Variants in NCOA2 observed in about 807,000 individuals in gnomAD.
NCOA2 encodes class E basic helix-loop-helix protein 75.
A neutral mutation model predicts 145.1 loss-of-function variants in NCOA2; 21 were observed. The ratio of observed to expected loss-of-function variants is 0.14; its 90% CI spans 0.10 to 0.21. The LOEUF is 0.21. Among genes scored for constraint, NCOA2 ranks in the 10% least tolerant of loss-of-function variants. The pLI is 1.00. For missense variants in NCOA2, 1,472 were observed against 1,837.6 expected (o/e 0.80, Z 3.64); for synonymous variants, 619 against 637.5 (o/e 0.97, Z 0.44).
chr8:70,374,043 T>C (rs989805460), intron 1 of NCOA2, among the ~76,000 whole-genome samples: 7 of 152,330 alleles, frequency 4.6e-5, no homozygotes, highest in Admixed American at 1.3e-4. Flanking sequence ...TCTATAATTT[T>C]TCACTCACTG....
intron 15 of NCOA2, 62 bp from the exon 16 acceptor site, chr8:70,132,064 C>G: frequency 6.6e-7 from 1 of 1,507,900 alleles, no homozygotes; most frequent in African/African-American, 1.4e-5. Context: ...AGAACAAATT[C>G]TTTATCTCAA....
intron 2 of NCOA2, among the ~76,000 whole-genome samples, chr8:70,243,551 G>A (rs751481313): frequency 5.9e-5 from 9 of 151,942 alleles, no homozygotes; most frequent in Non-Finnish European, 8.8e-5. Flanking sequence ...TATTACAAAA[G>A]TCTTGGCTCA....
intron 13 of NCOA2, among the ~76,000 whole-genome samples, chr8:70,142,945 G>GC (rs1810612421): frequency 6.8e-6 from 1 of 147,946 alleles, no homozygotes; most frequent in Admixed American, 6.7e-5. Flanking sequence ...TCTGTGTTTT[G>GC]TTTTTTTTGT....
intron 1 of NCOA2, among the ~76,000 whole-genome samples, chr8:70,306,769 C>T (rs564504441): frequency 1.2e-3 from 182 of 152,226 alleles, no homozygotes; most frequent in Non-Finnish European, 1.5e-3. Context: ...GTCCCAGCTA[C>T]TTGAGGGGCT....
In NCOA2 at chr8:70,312,517, G is replaced by A. The variant is rs529136033; in HGVS notation, c.-76-15717C>T. Among the ~76,000 whole-genome samples the A allele has an allele frequency of 4.0e-5, 6 of 151,804 alleles. No individual in the cohort carries two copies. The South Asian group carries it at 8.3e-4, about 21-fold the overall frequency. ...AATTTGCTGACTGATATATACTTCA[G>A]ACTTTTTATAAAATACCAACGGTCA... On this transcript the variant is annotated intron_variant, in intron 1 of 22. Transcript: ENST00000452400.
intron 2 of NCOA2, among the ~76,000 whole-genome samples, chr8:70,228,908 A>C (rs962292682): frequency 2.0e-5 from 3 of 152,248 alleles, no homozygotes; most frequent in Non-Finnish European, 2.9e-5. Flanking sequence ...TGACGTGGAG[A>C]AAACTAAGCT....
chr8:70,233,162 G>A (rs1821297499), intron 2 of NCOA2, among the ~76,000 whole-genome samples: 1 of 151,792 alleles, frequency 6.6e-6, no homozygotes, highest in Admixed American at 6.6e-5. Context: ...GGAGGCGGAG[G>A]TTGCAGTGAG....
chr8:70,247,828 G>A (rs559147694), intron 2 of NCOA2, among the ~76,000 whole-genome samples: 3 of 152,308 alleles, frequency 2.0e-5, no homozygotes, highest in South Asian at 2.1e-4. Context: ...CAGATCAATC[G>A]CAGCTAAGAT....
the NCOA2 span, among the ~76,000 whole-genome samples, chr8:70,437,246 A>G: frequency 6.6e-6 from 1 of 152,200 alleles, no homozygotes. Flanking sequence ...TCCTCAGGGA[A>G]GCCTTGGAGA....
At chr8:70,194,906 G>A (rs1817108486) in intron 4 of NCOA2, among the ~76,000 whole-genome samples, 1 of 152,094 alleles carries the variant, frequency 6.6e-6, no homozygotes, top group Admixed American at 6.5e-5. Flanking sequence ...AGGTTTAATT[G>A]TCTTTCCACT....
Position 70,307,575 on chromosome 8 carries a change from T to C in NCOA2, c.-76-10775A>G, listed in dbSNP as rs529391588. 2.2e-4 allele frequency among the ~76,000 whole-genome samples: 34 copies of C among 152,372 alleles called. No individual in the cohort carries two copies. In the South Asian group the frequency reaches 6.2e-3, roughly 28 times the overall value. On this transcript the variant is annotated intron_variant, in intron 1 of 22. Transcript: ENST00000452400. Reference sequence around the variant, plus strand: ...CGACCATTATATAACTGATAACTTATTGCCATTTAATTTCAGGACTTCCAT... The same window carrying C: ...CGACCATTATATAACTGATAACTTACTGCCATTTAATTTCAGGACTTCCAT...
At chr8:70,273,656 G>C (rs1233130215) in intron 2 of NCOA2, 6 of 704,506 alleles carry the variant, frequency 8.5e-6, no homozygotes, top group Non-Finnish European at 1.6e-5. Context: ...GCAGCTGACA[G>C]AAATGCTACC....
At chr8:70,338,271 GACCCCAC>G (rs1485284337) in intron 1 of NCOA2, among the ~76,000 whole-genome samples, 1 of 152,044 alleles carries the variant, frequency 6.6e-6, no homozygotes, top group Non-Finnish European at 1.5e-5. Context: ...TATCACAACA[GACCCCAC>G]AAAATACAAC....
chr8:70,385,908 A>T (rs1026614198), intron 1 of NCOA2, among the ~76,000 whole-genome samples: 1 of 152,092 alleles, frequency 6.6e-6, no homozygotes, highest in African/African-American at 2.4e-5. Flanking sequence ...TTTCTGAGGC[A>T]TTTGTGTGTA....
intron 2 of NCOA2, among the ~76,000 whole-genome samples, chr8:70,261,244 C>T (rs909111195): frequency 7.9e-5 from 12 of 152,282 alleles, no homozygotes; most frequent in African/African-American, 2.9e-4. Flanking sequence ...AAATGTGGCA[C>T]ATATACACCA....
At chr8:70,260,039 A>G (rs971802725) in intron 2 of NCOA2, among the ~76,000 whole-genome samples, 1 of 152,242 alleles carries the variant, frequency 6.6e-6, no homozygotes, top group Non-Finnish European at 1.5e-5. Context: ...CCTGGTCAAC[A>G]CCACTACCAG....
chr8:70,320,172 TGC>T (rs1367149376), intron 1 of NCOA2, among the ~76,000 whole-genome samples: 1 of 152,174 alleles, frequency 6.6e-6, no homozygotes, highest in African/African-American at 2.4e-5. Context: ...AAACATTAAT[TGC>T]TGAATACAAG....
chr8:70,234,102 G>A (rs1821390651), intron 2 of NCOA2, among the ~76,000 whole-genome samples: 1 of 152,050 alleles, frequency 6.6e-6, no homozygotes, highest in African/African-American at 2.4e-5. Context: ...CATATAAACA[G>A]AATCAAATAA....
intron 1 of NCOA2, among the ~76,000 whole-genome samples, chr8:70,381,195 T>A (rs543344292): frequency 3.9e-5 from 6 of 152,280 alleles, no homozygotes; most frequent in Admixed American, 1.3e-4. Context: ...ATTATTATTA[T>A]TAAACTTTTC....
Sources: gnomAD v4.1 joint callset for allele counts (sites outside exome capture counted in the v4.1 genomes callset) on GRCh38, gnomAD v4.1.1 for gene constraint, MANE v1.5 for transcripts, NCBI Gene and HGNC (gene_info 2026-07-23, HGNC 2026-07-21) for gene names.